The following CHSY3 variants were observed in gnomAD, a reference collection of about 807,000 sequenced individuals.
CHSY3 encodes chondroitin sulfate synthase 3.
CHSY3 carries 35 observed loss-of-function variants against 67.2 expected under a neutral mutation model. That is an observed-to-expected ratio of 0.52 (90% confidence interval 0.40 to 0.69). The LOEUF (loss-of-function observed/expected upper bound fraction) is 0.69, where lower values mean the gene tolerates loss of function less well. CHSY3 is among the 30% of genes least tolerant of loss of function. The pLI, the probability that CHSY3 is intolerant of heterozygous loss-of-function variation, is 0.00. For missense variants in CHSY3, 1,069 were observed against 1,138.5 expected, an observed-to-expected ratio of 0.94 and a Z score of 0.88; for synonymous variants, 474 against 434.7, an observed-to-expected ratio of 1.09 and a Z score of -1.12.
At chr5:130,110,575 A>T (rs1198724500) in intron 2 of CHSY3, among the ~76,000 whole-genome samples, 1 of 151,968 alleles carries the variant, frequency 6.6e-6, no homozygotes, top group Non-Finnish European at 1.5e-5. Flanking sequence ...AGACCTCATA[A>T]GATCTGTCTT....
intron 2 of CHSY3, among the ~76,000 whole-genome samples, chr5:129,967,680 G>A (rs765690566): frequency 1.3e-4 from 20 of 151,778 alleles, no homozygotes; most frequent in Non-Finnish European, 2.9e-4. Context: ...ATTTGGGAGA[G>A]TGGCTATTAA....
At chr5:129,943,486 A>G (rs1417446614) in intron 2 of CHSY3, among the ~76,000 whole-genome samples, 1 of 152,236 alleles carries the variant, frequency 6.6e-6, no homozygotes, top group African/African-American at 2.4e-5. Context: ...AAATATGTGT[A>G]GATAAAACTA....
intron 2 of CHSY3, among the ~76,000 whole-genome samples, chr5:130,046,940 T>C (rs759198804): frequency 1.3e-5 from 2 of 151,790 alleles, no homozygotes; most frequent in African/African-American, 4.8e-5. Flanking sequence ...CTTTTCTTAA[T>C]ATAAATTGTT....
chr5:130,018,683 C>T lies in CHSY3; in HGVS notation c.1086+110323C>T, dbSNP rs138721451. Reference sequence around the variant, plus strand: ...GTGGCTTTATCCTAATTCATCACTGCTATGGTTTAGATATGGTTTGTTTGT... The same window carrying T: ...GTGGCTTTATCCTAATTCATCACTGTTATGGTTTAGATATGGTTTGTTTGT... On this transcript the variant is annotated intron_variant, in intron 2 of 2. Transcript: ENST00000305031. Among the ~76,000 whole-genome samples the T allele has an allele frequency of 4.1e-3, 626 of 152,258 alleles. 4 individuals carry two copies. Among genetic ancestry groups the T allele is most frequent in the African/African-American group, 0.014 (594 of 41,544 alleles).
At chr5:129,990,476 T>G (rs1016470432) in intron 2 of CHSY3, among the ~76,000 whole-genome samples, 4 of 152,050 alleles carry the variant, frequency 2.6e-5, no homozygotes, top group African/African-American at 7.2e-5. Context: ...AAAGTATATT[T>G]ACCTCCTGGT....
chr5:130,016,284 G>T (rs1222359126), intron 2 of CHSY3, among the ~76,000 whole-genome samples: 6 of 152,120 alleles, frequency 3.9e-5, no homozygotes, highest in Non-Finnish European at 7.3e-5. Context: ...ACATAATTGG[G>T]GATATAAGGC....
intron 2 of CHSY3, among the ~76,000 whole-genome samples, chr5:130,089,927 C>G (rs1766818721): frequency 6.6e-6 from 1 of 152,168 alleles, no homozygotes; most frequent in African/African-American, 2.4e-5. Context: ...AATATTTACA[C>G]TTCAGTGTGA....
chr5:130,130,501 G>A (rs569471790), intron 2 of CHSY3, among the ~76,000 whole-genome samples: 10 of 152,054 alleles, frequency 6.6e-5, no homozygotes, highest in Non-Finnish European at 1.3e-4. Context: ...CCAGAATTAG[G>A]TTTGCAGGAG....
chr5:130,002,314 C>G (rs1763750429), intron 2 of CHSY3: 1 of 152,396 alleles, frequency 6.6e-6, no homozygotes. Context: ...CATGTCCTGG[C>G]TAGAGTGCTT....
intron 2 of CHSY3, among the ~76,000 whole-genome samples, chr5:129,955,008 A>G (rs1309635203): frequency 6.6e-6 from 1 of 152,060 alleles, no homozygotes; most frequent in Non-Finnish European, 1.5e-5. Flanking sequence ...AGGTGTGTCT[A>G]TAGGCGCATG....
intron 2 of CHSY3, among the ~76,000 whole-genome samples, chr5:130,132,012 A>T (rs376060970): frequency 6.6e-6 from 1 of 152,152 alleles, no homozygotes; most frequent in Non-Finnish European, 1.5e-5. Flanking sequence ...CCCACTGGCC[A>T]CCTTATTTAA....
intron 2 of CHSY3, among the ~76,000 whole-genome samples, chr5:130,143,810 G>GTATGTATATA (rs1554085961): frequency 1.8e-3 from 99 of 56,480 alleles, no homozygotes; most frequent in Non-Finnish European, 2.7e-3. Flanking sequence ...ATATATGTGT[G>GTATGTATATA]TATATATATA....
At position 130,088,644 on chromosome 5, in the gene CHSY3, A is replaced by G. The variant is rs866874888; in HGVS notation, c.1087-95585A>G. On this transcript the variant is annotated intron_variant, in intron 2 of 2. Transcript: ENST00000305031. ...AAATGCTCACCATCACTGGCCATCAAAGAAATGCAAATCAAAACCACAATG... is the reference window on the plus strand; with the variant it reads ...AAATGCTCACCATCACTGGCCATCAGAGAAATGCAAATCAAAACCACAATG... Among the ~76,000 whole-genome samples the G allele has an allele frequency of 9.1e-3, 1,384 of 152,098 alleles. 15 individuals carry two copies. Among genetic ancestry groups the G allele is most frequent in the African/African-American group, 0.031 (1,279 of 41,464 alleles).
At chr5:130,142,678 CCAGA>C (rs1201068193) in intron 2 of CHSY3, among the ~76,000 whole-genome samples, 1 of 152,148 alleles carries the variant, frequency 6.6e-6, no homozygotes, top group African/African-American at 2.4e-5. Flanking sequence ...CAAAAATTAT[CCAGA>C]CAGTTTCTGT....
intron 2 of CHSY3, among the ~76,000 whole-genome samples, chr5:129,910,078 A>C (rs1169772274): frequency 2.0e-5 from 3 of 151,952 alleles, no homozygotes; most frequent in Non-Finnish European, 4.4e-5. Flanking sequence ...TCAAAAATTG[A>C]TTTAATATTT....
At chr5:130,078,589 G>T (rs955436110) in intron 2 of CHSY3, among the ~76,000 whole-genome samples, 1 of 152,072 alleles carries the variant, frequency 6.6e-6, no homozygotes, top group East Asian at 1.9e-4. Context: ...GCTATTATTT[G>T]TATTTATTGC....
intron 2 of CHSY3, among the ~76,000 whole-genome samples, chr5:130,026,901 A>G (rs1009937213): frequency 1.3e-5 from 2 of 152,028 alleles, no homozygotes; most frequent in African/African-American, 4.8e-5. Flanking sequence ...CCCAACGGCC[A>G]TGTGTGTGTG....
At chr5:130,132,199 G>C (rs184996729) in intron 2 of CHSY3, among the ~76,000 whole-genome samples, 401 of 152,260 alleles carry the variant, frequency 2.6e-3, no homozygotes, top group Non-Finnish European at 4.9e-3. Flanking sequence ...GTGTCTCATA[G>C]CAAGCATTTA....
intron 2 of CHSY3, among the ~76,000 whole-genome samples, chr5:129,974,147 A>G (rs1226947875): frequency 3.3e-5 from 5 of 152,162 alleles, no homozygotes; most frequent in African/African-American, 7.2e-5. Flanking sequence ...CCTAGCACAT[A>G]GCTTATTTCT....
Sources: allele counts gnomAD v4.1 joint callset (sites outside exome capture counted in the v4.1 genomes callset), GRCh38; gene constraint gnomAD v4.1.1; transcripts MANE v1.5; gene names NCBI Gene and HGNC (gene_info 2026-07-23, HGNC 2026-07-21).